The following GPC3 variants were observed in gnomAD, a reference collection of about 807,000 sequenced individuals.
The protein encoded by GPC3 is glypican-3.
Under a neutral mutation model 34.4 loss-of-function variants are expected in GPC3, and 3 were observed. The observed-to-expected ratio is 0.09, with a 90% confidence interval of 0.04 to 0.23. The LOEUF (loss-of-function observed/expected upper bound fraction) is 0.23. Ranked by LOEUF, GPC3 falls within the 10% of genes least tolerant of loss-of-function variation. The pLI, the probability that GPC3 is intolerant of heterozygous loss-of-function variation, is 1.00. For missense variants in GPC3, 351 were observed against 445.6 expected (o/e 0.79, Z 1.91); for synonymous variants, 177 against 174.0 (o/e 1.02, Z -0.13).
At chrX:133,851,932 G>A (rs1488876562) in intron 2 of GPC3, among the ~76,000 whole-genome samples, 3 of 111,632 alleles carry the variant, frequency 2.7e-5, no homozygotes, top group Non-Finnish European at 5.6e-5. Flanking sequence ...TTAAACACCA[G>A]AACATACTAC....
chrX:133,671,676 T>G (rs1395505783), intron 5 of GPC3, among the ~76,000 whole-genome samples: 1 of 112,098 alleles, frequency 8.9e-6, no homozygotes. Flanking sequence ...TCTTTCTTTT[T>G]CTTTTCTTTT....
At chrX:133,891,993 C>G (rs1474657985) in intron 2 of GPC3, among the ~76,000 whole-genome samples, 2 of 110,399 alleles carry the variant, frequency 1.8e-5, no homozygotes, top group Admixed American at 2.0e-4. Context: ...CCCCACCTCA[C>G]CAGGTTGTTA....
At position 133,743,230 on chromosome X, in the gene GPC3, T is replaced by C. The variant is rs181719828; in HGVS notation, c.1032+10252A>G. 1.4e-3 allele frequency among the ~76,000 whole-genome samples: 160 copies of C among 112,976 alleles called. No individual in the cohort carries two copies. In the South Asian group the frequency reaches 0.021, roughly 15 times the overall value. Reference sequence around the variant, plus strand: ...ATTTTATCTTCCAAAGGCTGCAACATGCTGGAAGACATCTGCTCAGAATTC... The same window carrying C: ...ATTTTATCTTCCAAAGGCTGCAACACGCTGGAAGACATCTGCTCAGAATTC... On this transcript the variant is annotated intron_variant, in intron 3 of 7. Transcript: ENST00000370818.
intron 2 of GPC3, among the ~76,000 whole-genome samples, chrX:133,945,483 C>A (rs1666393182): frequency 9.0e-6 from 1 of 111,387 alleles, no homozygotes; most frequent in Admixed American, 9.5e-5. Context: ...TCTCTTTGAT[C>A]AACAGCATGT....
At position 133,802,914 on chromosome X, in the gene GPC3, C is replaced by CTT. The variant is rs751359373; in HGVS notation, c.338-48740_338-48739dup. Among the ~76,000 whole-genome samples, 464 of 68,380 alleles carry CTT rather than the reference C, an allele frequency of 6.8e-3. 1 individual carries two copies. Among genetic ancestry groups the CTT allele is most frequent in the Middle Eastern group, 9.3e-3 (1 of 107 alleles). 59.4% of individuals were successfully genotyped at this position (68,380 alleles called of 115,157 possible). Reference sequence around the variant, plus strand: ...ATGCAAGGTTACAGTGGAAGGTATTCTTTTTTTTTTTTTTTTTTTTTTTGA... The same window carrying CTT: ...ATGCAAGGTTACAGTGGAAGGTATTCTTTTTTTTTTTTTTTTTTTTTTTTTGA... On this transcript the variant is annotated intron_variant, in intron 2 of 7. Transcript: ENST00000370818.
In GPC3 at chrX:133,882,185, A is replaced by C. The variant is rs748943139; in HGVS notation, c.337+70865T>G. Among the ~76,000 whole-genome samples, 7 of 111,845 alleles carry C rather than the reference A, an allele frequency of 6.3e-5. No homozygotes were observed. The South Asian group carries it at 2.6e-3, about 42-fold the overall frequency. ...ATGATTCCAGCGATAACAATCTTGCAATCCATTCTCTTTCCTCTATAAACA... is the reference window on the plus strand; with the variant it reads ...ATGATTCCAGCGATAACAATCTTGCCATCCATTCTCTTTCCTCTATAAACA... On this transcript the variant is annotated intron_variant, in intron 2 of 7. Coordinates refer to ENST00000370818, the MANE Select transcript of GPC3 (RefSeq NM_004484.4).
intron 2 of GPC3, among the ~76,000 whole-genome samples, chrX:133,883,148 A>T (rs1397517596): frequency 8.9e-6 from 1 of 111,739 alleles, no homozygotes; most frequent in Non-Finnish European, 1.9e-5. Flanking sequence ...TTAACAAATT[A>T]AAAAACCTGC....
intron 7 of GPC3, among the ~76,000 whole-genome samples, chrX:133,593,310 G>A (rs781575759): frequency 1.2e-5 from 1 of 82,948 alleles, no homozygotes; most frequent in East Asian, 3.7e-4. Context: ...TCCAGCCTGG[G>A]CAACACAGTG....
At chrX:133,577,860 G>A (rs2069699868) in intron 7 of GPC3, among the ~76,000 whole-genome samples, 1 of 111,345 alleles carries the variant, frequency 9.0e-6, no homozygotes, top group African/African-American at 3.3e-5. Context: ...GACCTGGCTG[G>A]CTCTATCCAT....
At chrX:133,579,996 G>A (rs2069719115) in intron 7 of GPC3, among the ~76,000 whole-genome samples, 1 of 112,765 alleles carries the variant, frequency 8.9e-6, no homozygotes, top group South Asian at 3.6e-4. Context: ...CAAAGGCCCA[G>A]GCACGCCTGA....
intron 1 of GPC3, among the ~76,000 whole-genome samples, chrX:133,956,204 G>A: frequency 9.0e-6 from 1 of 111,584 alleles, no homozygotes; most frequent in Non-Finnish European, 1.9e-5. Context: ...TACCATTTGG[G>A]GTCTGCAGAC....
chrX:133,781,539 T>A (rs967889116), intron 2 of GPC3, among the ~76,000 whole-genome samples: 2 of 112,396 alleles, frequency 1.8e-5, no homozygotes, highest in African/African-American at 6.5e-5. Context: ...TCTTCATGGA[T>A]TGACTTCCCT....
intron 2 of GPC3, among the ~76,000 whole-genome samples, chrX:133,822,327 G>T (rs752655970): frequency 2.7e-5 from 3 of 111,787 alleles, no homozygotes; most frequent in Non-Finnish European, 5.6e-5. Flanking sequence ...TGGCTCTAAA[G>T]TGCAAGAATA....
chrX:133,638,703 A>G (rs889154039), intron 6 of GPC3, among the ~76,000 whole-genome samples: 1 of 110,442 alleles, frequency 9.1e-6, no homozygotes, highest in Non-Finnish European at 1.9e-5. Context: ...AGGGAATGAT[A>G]CTTTTTAGAC....
At chrX:133,668,793 ATCCATCTCCAGCTGTGTGGGT>A (rs1485178670) in intron 5 of GPC3, among the ~76,000 whole-genome samples, 4 of 111,686 alleles carry the variant, frequency 3.6e-5, no homozygotes, top group Non-Finnish European at 7.5e-5. Context: ...AACTTTGAGA[ATCCATCTCCAGCTGTGTGGGT>A]TCCATCTCCA....
At chrX:133,979,339 A>G (rs745784640) in intron 1 of GPC3, among the ~76,000 whole-genome samples, 1 of 112,186 alleles carries the variant, frequency 8.9e-6, no homozygotes, top group East Asian at 2.8e-4. Flanking sequence ...AAAAATACAA[A>G]CTCTCAAATT....
chrX:133,888,975 A>C (rs971249836), intron 2 of GPC3, among the ~76,000 whole-genome samples: 6 of 112,337 alleles, frequency 5.3e-5, no homozygotes, highest in African/African-American at 1.9e-4. Context: ...ATGTAGCTGA[A>C]GGCAAGACTA....
In GPC3 at chrX:133,710,067, A is replaced by G. The variant is rs780581382; in HGVS notation, c.1033-10039T>C. On this transcript the variant is annotated intron_variant, in intron 3 of 7. Transcript: ENST00000370818. ...CATTGTTAATTGCTTGACCATTAAG[A>G]TAAAAGCTCACTAATAATCTGTAAT... Among the ~76,000 whole-genome samples, 35 of 111,985 alleles carry G rather than the reference A, an allele frequency of 3.1e-4. 1 individual carries two copies. The highest frequency in any genetic ancestry group is 6.5e-5 in the African/African-American group (2 of 30,814).
chrX:133,715,699 A>G (rs2071306639), intron 3 of GPC3, among the ~76,000 whole-genome samples: 1 of 111,378 alleles, frequency 9.0e-6, no homozygotes, highest in Non-Finnish European at 1.9e-5. Context: ...GCAAGGGGAC[A>G]ATAGTTAGAG....
Sources: allele counts gnomAD v4.1 joint callset (sites outside exome capture counted in the v4.1 genomes callset), GRCh38; gene constraint gnomAD v4.1.1; transcripts MANE v1.5; gene names NCBI Gene and HGNC (gene_info 2026-07-23, HGNC 2026-07-21).